Variants in MEGF9 observed in about 807,000 individuals in gnomAD.
The protein encoded by MEGF9 is multiple epidermal growth factor-like domains protein 9.
In MEGF9, 6 loss-of-function variants were observed where a neutral mutation model predicts 46.8. The observed-to-expected ratio is 0.13, with a 90% CI of 0.07 to 0.25. MEGF9 has a LOEUF of 0.25. MEGF9 is among the 10% of genes least tolerant of loss of function. MEGF9 has a pLI of 1.00. For missense variants in MEGF9, 683 were observed against 792.4 expected, an observed-to-expected ratio of 0.86 and a Z score of 1.66; for synonymous variants, 302 against 330.7, an observed-to-expected ratio of 0.91 and a Z score of 0.94.
In MEGF9 at chr9:120,604,032, A is replaced by G. The variant is rs1230596648; in HGVS notation, c.*1158T>C. On this transcript the variant is annotated 3_prime_UTR_variant, in exon 6 of 6. Transcript: ENST00000373930. ...TCAAGAAAAACATTTTTTAATGAGG[A>G]TATGTTTTATATTAATCTATGTAAA... 6.6e-6 allele frequency: 1 copy of G among 152,638 alleles called. No homozygotes were observed. The highest frequency in any genetic ancestry group is 1.5e-5 in the Non-Finnish European group (1 of 68,036). 9.5% of individuals were successfully genotyped at this position (152,638 alleles called of 1,614,324 possible). A position where few individuals can be genotyped will look rare whatever the true frequency, so the allele number is the denominator to read the frequency against.
At chr9:120,627,086 T>TA (rs1490293507) in intron 2 of MEGF9, among the ~76,000 whole-genome samples, 5 of 151,786 alleles carry the variant, frequency 3.3e-5, no homozygotes, top group African/African-American at 2.4e-5. Context: ...TTAATAAAAC[T>TA]AAAAAAAAGC....
In MEGF9 at chr9:120,602,027, T is replaced by G. The variant is rs1222492661; in HGVS notation, c.*3163A>C. 6.6e-6 allele frequency: 1 copy of G among 152,250 alleles called. No homozygotes were observed. The highest frequency in any genetic ancestry group is 6.5e-5 in the Admixed American group (1 of 15,282). 9.4% of individuals were successfully genotyped at this position (152,250 alleles called of 1,614,324 possible). ...AGGCTTTCTTTTTCTTCCTTTTTTTTGAGACAGAGTCTTGCTCTGTCGCCC... is the reference window on the plus strand; with the variant it reads ...AGGCTTTCTTTTTCTTCCTTTTTTTGGAGACAGAGTCTTGCTCTGTCGCCC... On this transcript the variant is annotated 3_prime_UTR_variant, in exon 6 of 6. Coordinates refer to ENST00000373930, the MANE Select transcript of MEGF9 (RefSeq NM_001080497.3).
chr9:120,675,343 TG>T (rs2043767971), intron 1 of MEGF9, among the ~76,000 whole-genome samples: 1 of 152,172 alleles, frequency 6.6e-6, no homozygotes, highest in African/African-American at 2.4e-5. Context: ...TCCCGGCACT[TG>T]GGTGGCTGAG....
At chr9:120,712,705 T>TC (rs2043959283) in intron 1 of MEGF9, among the ~76,000 whole-genome samples, 1 of 152,188 alleles carries the variant, frequency 6.6e-6, no homozygotes, top group Admixed American at 6.5e-5. Context: ...CATACCTGAC[T>TC]CCACAGTAAA....
At position 120,601,758 on chromosome 9, in the gene MEGF9, A is replaced by G. The variant is rs1164155634; in HGVS notation, c.*3432T>C. ...ATAACTGGAGAAATTCCATTAATAA[A>G]AGAACCCTAGGGGATAGAGGGTAGA... On this transcript the variant is annotated 3_prime_UTR_variant, in exon 6 of 6. Coordinates refer to ENST00000373930, the MANE Select transcript of MEGF9 (RefSeq NM_001080497.3). 1 of 152,150 alleles carries G rather than the reference A, an allele frequency of 6.6e-6. No individual in the cohort carries two copies. Among genetic ancestry groups the G allele is most frequent in the Non-Finnish European group, 1.5e-5 (1 of 68,022 alleles). The allele number at this position is 152,150 out of a possible 1,614,324, so 9.4% of individuals were successfully genotyped here. A position where few individuals can be genotyped will look rare whatever the true frequency, so the allele number is the denominator to read the frequency against.
chr9:120,636,322 G>A (rs1170915426), intron 2 of MEGF9, among the ~76,000 whole-genome samples: 4 of 152,128 alleles, frequency 2.6e-5, no homozygotes, highest in Admixed American at 2.0e-4. Flanking sequence ...TTGAAAAGGT[G>A]GTGGTGACTC....
intron 1 of MEGF9, among the ~76,000 whole-genome samples, chr9:120,692,435 A>G (rs74634080): frequency 0.021 from 3,216 of 152,312 alleles, 47 homozygotes; most frequent in South Asian, 0.039. Context: ...GAAAAGATTT[A>G]AAGAGACAGT....
intron 1 of MEGF9, among the ~76,000 whole-genome samples, chr9:120,684,032 A>C (rs752709638): frequency 8.5e-5 from 13 of 152,196 alleles, no homozygotes; most frequent in Non-Finnish European, 1.6e-4. Context: ...AGGGTATAAA[A>C]TAAGAAAATA....
At chr9:120,689,628 T>A (rs2043839410) in intron 1 of MEGF9, among the ~76,000 whole-genome samples, 1 of 152,162 alleles carries the variant, frequency 6.6e-6, no homozygotes, top group Non-Finnish European at 1.5e-5. Context: ...AGGATATTTA[T>A]CATTACCTGT....
chr9:120,682,253 T>A (rs1482354298), intron 1 of MEGF9, among the ~76,000 whole-genome samples: 8 of 152,154 alleles, frequency 5.3e-5, no homozygotes, highest in African/African-American at 1.9e-4. Context: ...ATAGGTAATA[T>A]AACAGAAAGC....
chr9:120,659,269 C>A (rs2043690937), intron 2 of MEGF9, 105 bp downstream of exon 2: 3 of 744,402 alleles, frequency 4.0e-6, no homozygotes, highest in South Asian at 4.4e-5. Flanking sequence ...AAATCTATGA[C>A]CCTCATCCCC....
intron 1 of MEGF9, among the ~76,000 whole-genome samples, chr9:120,687,803 C>T (rs548306720): frequency 8.7e-5 from 13 of 149,210 alleles, no homozygotes; most frequent in African/African-American, 2.7e-4. Flanking sequence ...AAAAAGAACA[C>T]CAGGAGGCTA....
chr9:120,667,188 T>A (rs1057482018), intron 1 of MEGF9, among the ~76,000 whole-genome samples: 2 of 152,230 alleles, frequency 1.3e-5, no homozygotes, highest in Non-Finnish European at 1.5e-5. Flanking sequence ...AACTTGGCAC[T>A]AACGTCCACA....
At chr9:120,610,472 T>C (rs1249887144) in intron 4 of MEGF9, among the ~76,000 whole-genome samples, 1 of 152,222 alleles carries the variant, frequency 6.6e-6, no homozygotes. Flanking sequence ...TCTTAAGTAG[T>C]TTCTTGATCA....
chr9:120,700,986 G>C (rs945158732), intron 1 of MEGF9, among the ~76,000 whole-genome samples: 31 of 151,508 alleles, frequency 2.0e-4, no homozygotes, highest in African/African-American at 7.3e-4. Context: ...GGGCATGGTG[G>C]TGCACGCCTG....
chr9:120,668,459 C>T (rs1278129350), intron 1 of MEGF9, among the ~76,000 whole-genome samples: 1 of 152,136 alleles, frequency 6.6e-6, no homozygotes, highest in Non-Finnish European at 1.5e-5. Flanking sequence ...TTTACTAGAG[C>T]AAAACATTTC....
chr9:120,686,881 T>C (rs1023450800), intron 1 of MEGF9, among the ~76,000 whole-genome samples: 1 of 152,202 alleles, frequency 6.6e-6, no homozygotes, highest in Admixed American at 6.5e-5. Flanking sequence ...CCTGTCTTGG[T>C]TGGCAATGGT....
intron 2 of MEGF9, among the ~76,000 whole-genome samples, chr9:120,652,202 C>A (rs1449992649): frequency 0.045 from 736 of 16,324 alleles, no homozygotes; most frequent in Middle Eastern, 0.12. Context: ...AAAAAAAAAA[C>A]AGGTCAGGCA....
chr9:120,610,052 T>TC (rs2043438536), intron 4 of MEGF9, among the ~76,000 whole-genome samples: 1 of 152,116 alleles, frequency 6.6e-6, no homozygotes, highest in Admixed American at 6.6e-5. Flanking sequence ...GGTAGTGTGA[T>TC]CTCAAGTAAG....
Sources: gnomAD v4.1 joint callset for allele counts (sites outside exome capture counted in the v4.1 genomes callset) on GRCh38, gnomAD v4.1.1 for gene constraint, MANE v1.5 for transcripts, NCBI Gene and HGNC (gene_info 2026-07-23, HGNC 2026-07-21) for gene names.